XDH: variants seen among roughly 807,000 people sequenced by gnomAD.
The protein encoded by XDH is xanthine dehydrogenase.
In XDH, 138 loss-of-function variants were observed where a neutral mutation model predicts 156.1. The observed-to-expected ratio is 0.88, with a 90% CI of 0.77 to 1.02. XDH has a LOEUF of 1.02. Among genes scored for constraint, XDH ranks in the 50% least tolerant of loss-of-function variants. The pLI is 0.00. For synonymous variants in XDH, 669 were observed against 625.7 expected (o/e 1.07, Z -1.03); for missense variants, 1,849 against 1,684.9 (o/e 1.10, Z -1.71).
Position 31,349,818 on chromosome 2 carries a change from T to G in XDH, c.2837A>C (p.Asn946Thr), listed in dbSNP as rs527637523. Residue 946 changes from asparagine to threonine, a missense_variant, in exon 26 of 36, where the codon AAC becomes ACC. Transcript: ENST00000379416. Reference sequence around the variant, plus strand: ...TGTCAGGTCCCCTTCTTTGTACAGGTTTTTTCTCCGCACCTTCCCAAGGAG... The same window carrying G: ...TGTCAGGTCCCCTTCTTTGTACAGGGTTTTTCTCCGCACCTTCCCAAGGAG... The part of the protein sequence containing the change: ...GMPAEEVRRK[N>T]LYKEGDLTHF... The G allele has an allele frequency of 6.2e-7, 1 of 1,613,858 alleles. No homozygotes were observed. Among genetic ancestry groups the G allele is most frequent in the South Asian group, 1.1e-5 (1 of 91,060 alleles).
chr2:31,370,595 T>G lies in XDH; in HGVS notation c.1857-117A>C, dbSNP rs552073332. The G allele has an allele frequency of 9.1e-6, 12 of 1,318,792 alleles. No homozygotes were observed. In the East Asian group the frequency reaches 2.5e-4, roughly 27 times the overall value. The allele number at this position is 1,318,792 out of a possible 1,614,324, so 81.7% of individuals were successfully genotyped here. A position where few individuals can be genotyped will look rare whatever the true frequency, so the allele number is the denominator to read the frequency against. On this transcript the variant is annotated intron_variant, in intron 17 of 35. Coordinates refer to ENST00000379416, the MANE Select transcript of XDH (RefSeq NM_000379.4). Reference sequence around the variant, plus strand: ...GCTTGGCTCCATCCTAATTCCTCGATTCTCTGCTTCTTTTCTATTAGATTC... The same window carrying G: ...GCTTGGCTCCATCCTAATTCCTCGAGTCTCTGCTTCTTTTCTATTAGATTC...
intron 6 of XDH, among the ~76,000 whole-genome samples, chr2:31,388,571 T>C (rs1173638027): frequency 2.0e-5 from 3 of 152,214 alleles, no homozygotes; most frequent in African/African-American, 4.8e-5. Context: ...TAGGTCCTAC[T>C]TTATCAAAAC....
intron 14 of XDH, among the ~76,000 whole-genome samples, chr2:31,376,192 C>T (rs754557122): frequency 2.0e-5 from 3 of 151,502 alleles, no homozygotes; most frequent in Non-Finnish European, 2.9e-5. Context: ...ATCAATACTA[C>T]TAGTAATAAT....
chr2:31,358,454 AT>A (rs1297523427), intron 24 of XDH, among the ~76,000 whole-genome samples: 1 of 152,180 alleles, frequency 6.6e-6, no homozygotes, highest in African/African-American at 2.4e-5. Flanking sequence ...AGATGGTATA[AT>A]TTTAAAAGAA....
In XDH at chr2:31,342,282, G is replaced by A; in HGVS notation, c.3420C>T (p.Gly1140=). ...ATGFYRTPNL[G]YSFETNSGNP... ...TCCCTGAGTTAGTCTCAAAGCTGTA[G>A]CCCAGATTGGGTGTTCTGGGAGAGG... The change falls in exon 32 of 36, where the codon GGC becomes GGT. Residue 1140 remains glycine, a synonymous_variant. Transcript: ENST00000379416. 5 of 1,614,042 alleles carry A rather than the reference G, an allele frequency of 3.1e-6. No homozygotes were observed. The highest frequency in any genetic ancestry group is 3.4e-6 in the Non-Finnish European group (4 of 1,179,976).
chr2:31,373,813 T>TAGCC, intron 16 of XDH, 60 bp downstream of exon 16: 1 of 1,568,420 alleles, frequency 6.4e-7, no homozygotes, highest in Non-Finnish European at 8.8e-7. Flanking sequence ...GGTCAGCCAC[T>TAGCC]AGCCAACTCA....
intron 31 of XDH, 127 bp from the exon 32 acceptor site, chr2:31,342,424 A>G (rs984425435): frequency 1.2e-6 from 1 of 807,364 alleles, no homozygotes; most frequent in Non-Finnish European, 2.1e-6. Context: ...GTTCTCCAAA[A>G]AAGTCCATGG....
intron 24 of XDH, among the ~76,000 whole-genome samples, chr2:31,353,653 C>G (rs1425749631): frequency 6.6e-6 from 1 of 152,180 alleles, no homozygotes; most frequent in Admixed American, 6.5e-5. Flanking sequence ...AAAAAGCTCA[C>G]TATATATTCC....
chr2:31,405,350 G>C (rs1481082016), intron 2 of XDH, among the ~76,000 whole-genome samples: 1 of 152,082 alleles, frequency 6.6e-6, no homozygotes, highest in East Asian at 1.9e-4. Flanking sequence ...TTTTCCAGAA[G>C]CCCCACCCAC....
intron 13 of XDH, among the ~76,000 whole-genome samples, chr2:31,377,667 G>A (rs528990377): frequency 6.6e-6 from 1 of 152,230 alleles, no homozygotes; most frequent in South Asian, 2.1e-4. Flanking sequence ...GGCATCCTCT[G>A]TTTGTGGCCT....
At chr2:31,353,221 C>T (rs535927763) in intron 24 of XDH, among the ~76,000 whole-genome samples, 1 of 152,288 alleles carries the variant, frequency 6.6e-6, no homozygotes, top group East Asian at 1.9e-4. Flanking sequence ...AAAGCTGTGA[C>T]CACAATAATG....
At chr2:31,379,715 T>C in intron 13 of XDH, 152 bp downstream of exon 13, 1 of 805,426 alleles carries the variant, frequency 1.2e-6, no homozygotes, top group Non-Finnish European at 2.1e-6. Flanking sequence ...GTATGGTTGG[T>C]TCAACAGAGG....
chr2:31,375,386 C>T lies in XDH; in HGVS notation c.1596G>A (p.Leu532=). 1 of 1,614,198 alleles carries T rather than the reference C, an allele frequency of 6.2e-7. No individual in the cohort carries two copies. Among genetic ancestry groups the T allele is most frequent in the African/African-American group, 1.3e-5 (1 of 75,050 alleles). ...TVLQKLGQEN[L]EDKCGKLDPT... ...CTGGCCAGGCCCCACTCACGTCTTC[C>T]AGGTTCTCTTGGCCCAGCTTCTGAA... Residue 532 remains leucine (L), a synonymous_variant, in exon 15 of 36, where the codon CTG becomes CTA. Transcript: ENST00000379416.
At chr2:31,364,574 G>A (rs543457462) in intron 23 of XDH, among the ~76,000 whole-genome samples, 5 of 152,242 alleles carry the variant, frequency 3.3e-5, no homozygotes, top group South Asian at 2.1e-4. Flanking sequence ...GATAGGGCGG[G>A]GGGGAAGCGC....
intron 6 of XDH, among the ~76,000 whole-genome samples, chr2:31,396,912 A>T (rs927992359): frequency 6.6e-6 from 1 of 152,122 alleles, no homozygotes; most frequent in African/African-American, 2.4e-5. Flanking sequence ...CTTTTTCATG[A>T]TGCTCCAACC....
chr2:31,353,702 C>A (rs1378220023), intron 24 of XDH, among the ~76,000 whole-genome samples: 3 of 152,192 alleles, frequency 2.0e-5, no homozygotes, highest in Admixed American at 2.0e-4. Flanking sequence ...AAGAAAAGGG[C>A]AGTCTAGCAA....
At position 31,368,592 on chromosome 2, in the gene XDH, GGCA is replaced by G; in HGVS notation, c.2046_2048del (p.Ala683del). ...CTTCATAGGTGATTTTCACCCCTTG[GGCA>G]GCTCTCTGTGTGTGTTCCGGGGTGT... On this transcript the variant is annotated inframe_deletion, in exon 19 of 36. Transcript: ENST00000379416. The G allele has an allele frequency of 6.2e-7, 1 of 1,614,120 alleles. No individual in the cohort carries two copies. The highest frequency in any genetic ancestry group is 1.3e-5 in the African/African-American group (1 of 75,034).
rs149510128 is a variant in XDH, at chr2:31,339,430, C to A, written c.3774+59G>T. ...TGGGTCACTGAGGCCTCTCATCACC[C>A]GCTGGGGCCTCCCCCAGGGCAGATC... On this transcript the variant is annotated intron_variant, in intron 34 of 35. Coordinates refer to ENST00000379416, the MANE Select transcript of XDH (RefSeq NM_000379.4). The A allele has an allele frequency of 7.4e-6, 12 of 1,610,844 alleles. No individual in the cohort carries two copies. In the South Asian group the frequency reaches 1.2e-4, roughly 16 times the overall value.
chr2:31,337,521 G>C (rs1197070357), intron 35 of XDH, 120 bp downstream of exon 35: 4 of 1,461,492 alleles, frequency 2.7e-6, no homozygotes, highest in Non-Finnish European at 3.8e-6. Context: ...GGCCATTGAT[G>C]CAAGGCTGCC....
Sources: gnomAD v4.1 joint callset for allele counts (sites outside exome capture counted in the v4.1 genomes callset) on GRCh38, gnomAD v4.1.1 for gene constraint, MANE v1.5 for transcripts, NCBI Gene and HGNC (gene_info 2026-07-23, HGNC 2026-07-21) for gene names.